Variants in NIPBL observed in about 807,000 individuals in gnomAD.
The protein encoded by NIPBL is NIPBL cohesin loading factor, also known as nipped-B-like protein.
NIPBL carries 19 observed loss-of-function variants against 321.8 expected under a neutral mutation model. The ratio of observed to expected loss-of-function variants is 0.06; its 90% CI spans 0.04 to 0.09. The LOEUF (loss-of-function observed/expected upper bound fraction) is 0.09, where lower values mean the gene tolerates loss of function less well. NIPBL is among the 10% of genes least tolerant of loss of function. The pLI is 1.00. For missense variants in NIPBL, 2,210 were observed against 3,327.0 expected (o/e 0.66, Z 8.26); for synonymous variants, 1,106 against 1,114.1 (o/e 0.99, Z 0.14).
At chr5:36,947,374 G>C (rs1334661055) in intron 1 of NIPBL, among the ~76,000 whole-genome samples, 1 of 151,938 alleles carries the variant, frequency 6.6e-6, no homozygotes, top group South Asian at 2.1e-4. Flanking sequence ...TATTCTAACA[G>C]AACTTTCTGC....
chr5:36,876,856 A>C lies in NIPBL; in HGVS notation c.-402A>C. The C allele has an allele frequency of 1.1e-5, 1 of 88,258 alleles. No homozygotes were observed. The highest frequency in any genetic ancestry group is 2.2e-5 in the Non-Finnish European group (1 of 46,122). 5.5% of individuals were successfully genotyped at this position (88,258 alleles called of 1,614,324 possible). On this transcript the variant is annotated 5_prime_UTR_variant, in exon 1 of 47. Coordinates refer to ENST00000282516, the MANE Select transcript of NIPBL (RefSeq NM_133433.4). ...CCCTCCCCCCCCTCCCTCCGTCGGT[A>C]CCGACTCACCCGACACCACCAAGCC... is the stretch of plus-strand genomic sequence containing the variant.
chr5:36,968,617 T>C (rs887782690), intron 6 of NIPBL, among the ~76,000 whole-genome samples: 3 of 152,026 alleles, frequency 2.0e-5, no homozygotes, highest in Non-Finnish European at 4.4e-5. Context: ...TCCCAGCTAC[T>C]CAAGTGGCCA....
At chr5:36,938,652 T>A (rs1006408665) in intron 1 of NIPBL, among the ~76,000 whole-genome samples, 1 of 152,200 alleles carries the variant, frequency 6.6e-6, no homozygotes, top group Non-Finnish European at 1.5e-5. Flanking sequence ...CTAGGTACTG[T>A]CCAGAATACA....
In NIPBL at chr5:36,996,710, C is replaced by T; in HGVS notation, c.3304+906C>T. ...ACTATGGGAGATCTTCACTTGTGTG[C>T]CAACTGACTTAGTCATAATGACCAA... On this transcript the variant is annotated intron_variant, in intron 11 of 46. Coordinates refer to ENST00000282516, the MANE Select transcript of NIPBL (RefSeq NM_133433.4). The surrounding 1 kb of genome is among the most constrained non-coding windows in gnomAD (Gnocchi z 5.0). The T allele has an allele frequency of 3.1e-6, 1 of 327,304 alleles. No homozygotes were observed. The highest frequency in any genetic ancestry group is 6.1e-6 in the Non-Finnish European group (1 of 164,900). 20.3% of individuals were successfully genotyped at this position (327,304 alleles called of 1,614,324 possible). A position where few individuals can be genotyped will look rare whatever the true frequency, so the allele number is the denominator to read the frequency against.
chr5:37,034,903 A>G (rs1489514517), intron 32 of NIPBL, among the ~76,000 whole-genome samples: 1 of 152,226 alleles, frequency 6.6e-6, no homozygotes, highest in Non-Finnish European at 1.5e-5. Context: ...AAAATTTATG[A>G]TTAATTCTTT....
intron 1 of NIPBL, among the ~76,000 whole-genome samples, chr5:36,952,889 TA>T (rs1740555483): frequency 1.3e-5 from 2 of 152,206 alleles, no homozygotes; most frequent in Non-Finnish European, 2.9e-5. Context: ...AATATATAAT[TA>T]TTTACCAAAA....
intron 1 of NIPBL, among the ~76,000 whole-genome samples, chr5:36,891,093 G>A (rs575490922): frequency 2.6e-5 from 4 of 152,100 alleles, no homozygotes; most frequent in East Asian, 1.9e-4. Context: ...GTGAAACCTC[G>A]TCTCTACTAA....
At chr5:36,919,146 A>G (rs922347173) in intron 1 of NIPBL, among the ~76,000 whole-genome samples, 2 of 151,990 alleles carry the variant, frequency 1.3e-5, no homozygotes, top group African/African-American at 4.8e-5. Context: ...ATCCATTTAC[A>G]TTTTAATATA....
intron 1 of NIPBL, among the ~76,000 whole-genome samples, chr5:36,898,472 C>T (rs1746945526): frequency 6.7e-6 from 1 of 150,188 alleles, no homozygotes; most frequent in East Asian, 1.9e-4. Context: ...CAGCTTGAAA[C>T]AAGAGGAAGA....
chr5:36,955,447 A>T, intron 2 of NIPBL, 25 bp from the exon 3 acceptor site: 1 of 1,601,090 alleles, frequency 6.2e-7, no homozygotes, highest in South Asian at 1.1e-5. Context: ...CTCAATTTCT[A>T]ATAATCTGAT....
chr5:37,026,443 A>T, intron 31 of NIPBL, 116 bp downstream of exon 31: 1 of 716,124 alleles, frequency 1.4e-6, no homozygotes, highest in Admixed American at 2.0e-5. Context: ...GACATTTCGT[A>T]CTGCTGCCTT....
rs35264312 is a variant in NIPBL at position 36,932,778 on chromosome 5, GTTTTTTTTTTTT to G, written c.-79-20826_-79-20815del. Among the ~76,000 whole-genome samples, 33 of 69,842 alleles carry G rather than the reference GTTTTTTTTTTTT, an allele frequency of 4.7e-4. 1 individual carries two copies. Among genetic ancestry groups the G allele is most frequent in the Admixed American group, 1.6e-3 (9 of 5,516 alleles). 45.8% of individuals were successfully genotyped at this position (69,842 alleles called of 152,430 possible). On this transcript the variant is annotated intron_variant, in intron 1 of 46. Transcript: ENST00000282516. ...AGTGTACTATTTAAATTCCTCTGCT[GTTTTTTTTTTTT>G]TTTTTTTTTTTTTAAAGAACAGGAT...
chr5:37,058,578 C>T (rs1754338233), intron 43 of NIPBL, among the ~76,000 whole-genome samples: 1 of 152,260 alleles, frequency 6.6e-6, no homozygotes, highest in East Asian at 1.9e-4. Context: ...TAATGACTTA[C>T]CTATGCACCA....
chr5:36,926,875 A>C lies in NIPBL; in HGVS notation c.-79-26743A>C, dbSNP rs571630171. Among the ~76,000 whole-genome samples, 3 of 152,292 alleles carry C rather than the reference A, an allele frequency of 2.0e-5. No homozygotes were observed. In the East Asian group the frequency reaches 5.8e-4, roughly 29 times the overall value. ...GATTGTGTAAATTCAAGTTGAAAAA[A>C]ATTGGTAATAGGGCAAATGGTTTCA... On this transcript the variant is annotated intron_variant, in intron 1 of 46. Transcript: ENST00000282516.
chr5:37,052,271 C>CG, intron 41 of NIPBL, 95 bp from the exon 42 acceptor site: 1 of 957,026 alleles, frequency 1.0e-6, no homozygotes, highest in Non-Finnish European at 1.7e-6. Context: ...TAAAAAAAAA[C>CG]AATGAAGCTA....
rs575477012 is a variant in NIPBL, at chr5:37,008,895, G to A, written c.4421+172G>A. On this transcript the variant is annotated intron_variant, in intron 20 of 46. Coordinates refer to ENST00000282516, the MANE Select transcript of NIPBL (RefSeq NM_133433.4). ...TGAAATAACATGGCATATTTAGGGG[G>A]CTTAGAAAACTTCACTGATTCTCAA... Among the ~76,000 whole-genome samples, 3 of 152,318 alleles carry A rather than the reference G, an allele frequency of 2.0e-5. No homozygotes were observed. In the South Asian group the frequency reaches 6.2e-4, roughly 32 times the overall value.
chr5:36,940,343 A>G (rs1738925234), intron 1 of NIPBL, among the ~76,000 whole-genome samples: 1 of 152,204 alleles, frequency 6.6e-6, no homozygotes, highest in East Asian at 1.9e-4. Context: ...ATGAGTCAAA[A>G]TAAATCAAAT....
chr5:36,958,229 G>C lies in NIPBL; in HGVS notation c.356G>C (p.Ser119Thr). ...EKSMQNRYVQ[S>T]GMMMSQYKLS... The stretch of plus-strand genomic sequence containing the variant: ...AGCATGCAGAACAGATATGTACAAA[G>C]TGGTGAGTTTCTTAATAACTGAATT... Residue 119 changes from serine to threonine, a missense_variant and splice_region_variant, in exon 4 of 47, where the codon AGT (serine) becomes ACT (threonine). By Grantham distance (58) the Ser-to-Thr change is moderately conservative. Coordinates refer to ENST00000282516, the MANE Select transcript of NIPBL (RefSeq NM_133433.4). The C allele has an allele frequency of 1.2e-6, 2 of 1,613,420 alleles. No homozygotes were observed. The highest frequency in any genetic ancestry group is 1.7e-6 in the Non-Finnish European group (2 of 1,179,726).
intron 32 of NIPBL, among the ~76,000 whole-genome samples, chr5:37,030,306 C>G (rs1750836242): frequency 6.6e-6 from 1 of 152,102 alleles, no homozygotes; most frequent in Non-Finnish European, 1.5e-5. Context: ...ACTTAGTTTA[C>G]CAATGATATT....
Sources: gnomAD v4.1 joint callset for allele counts (sites outside exome capture counted in the v4.1 genomes callset) on GRCh38, gnomAD v4.1.1 for gene constraint, Gnocchi (gnomAD v3.1) non-coding constraint, MANE v1.5 for transcripts, NCBI Gene and HGNC (gene_info 2026-07-23, HGNC 2026-07-21) for gene names.